ASCC3: variants seen among roughly 807,000 people sequenced by gnomAD.
ASCC3 encodes ASC-1 complex subunit P200.
ASCC3 carries 158 observed loss-of-function variants against 256.3 expected under a neutral mutation model. The observed-to-expected ratio is 0.62, with a 90% CI of 0.54 to 0.70. The LOEUF (loss-of-function observed/expected upper bound fraction) is 0.70, where lower values mean the gene tolerates loss of function less well. Among genes scored for constraint, ASCC3 ranks in the 30% least tolerant of loss-of-function variants. The pLI is 0.00. For synonymous variants in ASCC3, 948 were observed against 883.4 expected, an observed-to-expected ratio of 1.07 and a Z score of -1.30; for missense variants, 2,259 against 2,626.0, an observed-to-expected ratio of 0.86 and a Z score of 3.05.
chr6:100,589,014 G>C (rs1771850578), intron 36 of ASCC3, among the ~76,000 whole-genome samples: 1 of 151,934 alleles, frequency 6.6e-6, no homozygotes, highest in Non-Finnish European at 1.5e-5. Flanking sequence ...AATCAACAAA[G>C]GGAAAAAAAG....
chr6:100,622,563 C>T (rs1774012834), intron 30 of ASCC3, among the ~76,000 whole-genome samples: 1 of 151,944 alleles, frequency 6.6e-6, no homozygotes, highest in African/African-American at 2.4e-5. Flanking sequence ...TGAAAACAGA[C>T]TAATACACCT....
chr6:100,573,496 T>C (rs1159865069), intron 36 of ASCC3, among the ~76,000 whole-genome samples: 1 of 152,140 alleles, frequency 6.6e-6, no homozygotes, highest in African/African-American at 2.4e-5. Flanking sequence ...TAGATTTTAA[T>C]ATTCTTAATT....
intron 36 of ASCC3, among the ~76,000 whole-genome samples, chr6:100,544,459 A>G (rs1456608294): frequency 6.6e-6 from 1 of 152,088 alleles, no homozygotes; most frequent in Non-Finnish European, 1.5e-5. Context: ...GACACACACC[A>G]ATATCAGGTA....
chr6:100,638,327 G>A (rs1325581291), intron 25 of ASCC3, among the ~76,000 whole-genome samples: 1 of 152,110 alleles, frequency 6.6e-6, no homozygotes, highest in African/African-American at 2.4e-5. Context: ...CACACTAATA[G>A]GCTATGGTAT....
chr6:100,805,250 G>A (rs1770114837), intron 5 of ASCC3, among the ~76,000 whole-genome samples: 1 of 152,020 alleles, frequency 6.6e-6, no homozygotes, highest in Admixed American at 6.6e-5. Context: ...TATCCTAAGC[G>A]AATTAACGTA....
At chr6:100,802,053 A>T (rs902996330) in intron 5 of ASCC3, among the ~76,000 whole-genome samples, 13 of 151,326 alleles carry the variant, frequency 8.6e-5, no homozygotes, top group Admixed American at 5.3e-4. Flanking sequence ...TAAAATTAAA[A>T]TTATAAGAAG....
At chr6:100,866,136 A>G (rs912942075) in intron 2 of ASCC3, among the ~76,000 whole-genome samples, 7 of 151,840 alleles carry the variant, frequency 4.6e-5, no homozygotes, top group African/African-American at 1.7e-4. Context: ...TGCGTGGCTG[A>G]TTTTTGTACT....
chr6:100,526,893 A>G (rs1774603774), intron 37 of ASCC3, among the ~76,000 whole-genome samples: 1 of 152,186 alleles, frequency 6.6e-6, no homozygotes, highest in Non-Finnish European at 1.5e-5. Context: ...GAATTTGATA[A>G]GGTCACATTA....
At chr6:100,831,342 A>C (rs961737545) in intron 4 of ASCC3, among the ~76,000 whole-genome samples, 1 of 151,920 alleles carries the variant, frequency 6.6e-6, no homozygotes, top group Non-Finnish European at 1.5e-5. Flanking sequence ...AAAAGGAAAA[A>C]AAACAAACAA....
At chr6:100,667,873 T>C (rs1776560730) in intron 14 of ASCC3, among the ~76,000 whole-genome samples, 1 of 151,894 alleles carries the variant, frequency 6.6e-6, no homozygotes, top group Admixed American at 6.6e-5. Flanking sequence ...TGAAGATTTC[T>C]GAGAAGGAGA....
chr6:100,651,660 T>A lies in ASCC3; in HGVS notation c.2989-14A>T. On this transcript the variant is annotated splice_polypyrimidine_tract_variant and intron_variant, in intron 18 of 41. Transcript: ENST00000369162. ...TTCATTAAAGGTCTACCAAAGTAAGTGTTATATTTGATTAAAATAAAAATA... is the reference window on the plus strand; with the variant it reads ...TTCATTAAAGGTCTACCAAAGTAAGAGTTATATTTGATTAAAATAAAAATA... 7.4e-7 allele frequency: 1 copy of A among 1,345,580 alleles called. No individual in the cohort carries two copies. Among genetic ancestry groups the A allele is most frequent in the Non-Finnish European group, 1.0e-6 (1 of 980,066 alleles). 83.4% of individuals were successfully genotyped at this position (1,345,580 alleles called of 1,614,324 possible).
chr6:100,563,244 TTTC>T (rs1178000247), intron 36 of ASCC3, among the ~76,000 whole-genome samples: 2 of 152,184 alleles, frequency 1.3e-5, no homozygotes, highest in African/African-American at 2.4e-5. Context: ...CCTTTTGCGA[TTTC>T]TTCAACTCTT....
At chr6:100,696,173 A>G (rs1043241225) in intron 13 of ASCC3, among the ~76,000 whole-genome samples, 10 of 152,162 alleles carry the variant, frequency 6.6e-5, no homozygotes, top group African/African-American at 2.4e-4. Flanking sequence ...ACAGAACATT[A>G]TTTTACAATA....
intron 25 of ASCC3, among the ~76,000 whole-genome samples, chr6:100,634,871 A>C (rs1460420729): frequency 3.0e-5 from 2 of 65,850 alleles, no homozygotes; most frequent in Admixed American, 2.1e-4. Flanking sequence ...AAACAAAAAA[A>C]AAAAAAAAAA....
At chr6:100,630,578 T>C (rs1207799790) in intron 26 of ASCC3, among the ~76,000 whole-genome samples, 1 of 151,862 alleles carries the variant, frequency 6.6e-6, no homozygotes, top group Non-Finnish European at 1.5e-5. Flanking sequence ...TTACATTGTG[T>C]GAATGTACTA....
rs190097097 is a variant in ASCC3 at position 100,838,583 on chromosome 6, T to C, written c.801+9565A>G. ...ACTAATGCTCATTATTTACAGGTAC[T>C]TAATCTACACAACAATTTACAAAGC... On this transcript the variant is annotated intron_variant, in intron 4 of 41. Transcript: ENST00000369162. Among the ~76,000 whole-genome samples, 156 of 152,060 alleles carry C rather than the reference T, an allele frequency of 1.0e-3. 1 individual carries two copies. Among genetic ancestry groups the C allele is most frequent in the South Asian group, 2.3e-3 (11 of 4,818 alleles).
intron 34 of ASCC3, among the ~76,000 whole-genome samples, chr6:100,598,141 T>C (rs183923540): frequency 6.6e-6 from 1 of 152,130 alleles, no homozygotes. Context: ...AGCACAAAAG[T>C]GAGAGGAACC....
At chr6:100,626,720 A>G (rs1392177063) in intron 29 of ASCC3, among the ~76,000 whole-genome samples, 1 of 152,130 alleles carries the variant, frequency 6.6e-6, no homozygotes, top group Non-Finnish European at 1.5e-5. Flanking sequence ...TTGATAAATC[A>G]TATTAGAGAT....
At chr6:100,582,260 A>C (rs1028342183) in intron 36 of ASCC3, among the ~76,000 whole-genome samples, 14 of 151,834 alleles carry the variant, frequency 9.2e-5, no homozygotes, top group East Asian at 1.9e-4. Flanking sequence ...CTTTTATTTC[A>C]TTGAGCAGTG....
Sources: gnomAD v4.1 joint callset for allele counts (sites outside exome capture counted in the v4.1 genomes callset) on GRCh38, gnomAD v4.1.1 for gene constraint, MANE v1.5 for transcripts, NCBI Gene and HGNC (gene_info 2026-07-23, HGNC 2026-07-21) for gene names.